SYT16: variants seen among roughly 807,000 people sequenced by gnomAD.
SYT16 encodes the protein synaptotagmin-16.
A neutral mutation model predicts 61.4 loss-of-function variants in SYT16; 42 were observed. That is an observed-to-expected ratio of 0.68 (90% CI 0.53 to 0.89). The LOEUF is 0.89. Among genes scored for constraint, SYT16 ranks in the 40% least tolerant of loss-of-function variants. SYT16 has a pLI of 0.00. For missense variants in SYT16, 804 were observed against 807.3 expected (o/e 1.00, Z 0.05); for synonymous variants, 314 against 302.3 (o/e 1.04, Z -0.40).
chr14:61,966,273 T>C (rs2051311832), intron 1 of SYT16, among the ~76,000 whole-genome samples: 1 of 152,098 alleles, frequency 6.6e-6, no homozygotes, highest in South Asian at 2.1e-4. Flanking sequence ...TCTGTGAATG[T>C]TTTTACATTA....
chr14:61,922,864 A>G (rs570531356), intron 1 of SYT16, among the ~76,000 whole-genome samples: 57 of 152,298 alleles, frequency 3.7e-4, no homozygotes, highest in African/African-American at 1.2e-3. Context: ...CCTGGCCAAC[A>G]TGGTGAAACC....
intron 3 of SYT16, among the ~76,000 whole-genome samples, chr14:62,056,563 A>T (rs1301920101): frequency 6.6e-6 from 1 of 152,210 alleles, no homozygotes; most frequent in Non-Finnish European, 1.5e-5. Flanking sequence ...CGTTAAGTAT[A>T]AAGGCCCCGA....
chr14:61,935,718 G>A (rs965070415), intron 1 of SYT16, among the ~76,000 whole-genome samples: 8 of 152,226 alleles, frequency 5.3e-5, no homozygotes, highest in Admixed American at 3.3e-4. Flanking sequence ...TGGGCTCTAA[G>A]TCGGTAGAGT....
chr14:62,071,242 T>C (rs1252144374), intron 4 of SYT16, among the ~76,000 whole-genome samples: 1 of 152,190 alleles, frequency 6.6e-6, no homozygotes, highest in Non-Finnish European at 1.5e-5. Context: ...AGGGCAAATG[T>C]TAGCTAATGA....
intron 1 of SYT16, among the ~76,000 whole-genome samples, chr14:61,869,414 A>G (rs375008256): frequency 5.9e-5 from 9 of 152,136 alleles, no homozygotes; most frequent in East Asian, 5.8e-4. Context: ...TATTAGCTCT[A>G]TCTTTTTTGT....
At chr14:62,063,133 T>C (rs2055901848) in intron 3 of SYT16, among the ~76,000 whole-genome samples, 1 of 152,138 alleles carries the variant, frequency 6.6e-6, no homozygotes, top group Admixed American at 6.5e-5. Context: ...AAAAGGATTG[T>C]AAGGTAAGGT....
chr14:61,866,592 T>C (rs1214490357), intron 1 of SYT16, among the ~76,000 whole-genome samples: 1 of 152,154 alleles, frequency 6.6e-6, no homozygotes, highest in Non-Finnish European at 1.5e-5. Context: ...TGTGTTCAAA[T>C]CTTTTGTTCA....
intron 4 of SYT16, among the ~76,000 whole-genome samples, chr14:62,071,464 G>A (rs1188212137): frequency 6.6e-6 from 1 of 152,180 alleles, no homozygotes; most frequent in African/African-American, 2.4e-5. Flanking sequence ...GACAGATGGT[G>A]ATAGAAAAGG....
rs116329533 is a variant in SYT16, at chr14:61,913,099, C to G, written c.-324-57033C>G. Among the ~76,000 whole-genome samples, 943 of 152,244 alleles carry G rather than the reference C, an allele frequency of 6.2e-3. 13 individuals carry two copies. The highest frequency in any genetic ancestry group is 0.021 in the African/African-American group (886 of 41,538). ...ATCCCTCCCTATCCTGTGGACAGCTCAAACATGTTTTTATCTCCTTGCCTA... is the reference window on the plus strand; with the variant it reads ...ATCCCTCCCTATCCTGTGGACAGCTGAAACATGTTTTTATCTCCTTGCCTA... On this transcript the variant is annotated intron_variant, in intron 1 of 7. Transcript: ENST00000683842.
At chr14:61,918,537 G>C (rs547676777) in intron 1 of SYT16, among the ~76,000 whole-genome samples, 6 of 152,222 alleles carry the variant, frequency 3.9e-5, no homozygotes, top group Admixed American at 2.0e-4. Flanking sequence ...ATACCTAGTA[G>C]CCTGTAAGAA....
intron 1 of SYT16, chr14:61,832,265 G>C (rs1168437967): frequency 1.2e-5 from 7 of 599,988 alleles, no homozygotes; most frequent in Non-Finnish European, 2.3e-5. Flanking sequence ...CATAAGCTGG[G>C]AGCGCATAGT....
chr14:62,047,840 G>A (rs1465171601), intron 3 of SYT16, among the ~76,000 whole-genome samples: 2 of 152,150 alleles, frequency 1.3e-5, no homozygotes, highest in African/African-American at 4.8e-5. Context: ...TGATCATGGT[G>A]GATAAGCTTT....
intron 1 of SYT16, among the ~76,000 whole-genome samples, chr14:61,926,258 G>GTT (rs56347836): frequency 6.6e-6 from 1 of 151,386 alleles, no homozygotes; most frequent in African/African-American, 2.4e-5. Flanking sequence ...AAGAGTCAAA[G>GTT]AGTATGTGTT....
chr14:62,100,138 G>T (rs1316780675), intron 7 of SYT16, among the ~76,000 whole-genome samples: 1 of 152,210 alleles, frequency 6.6e-6, no homozygotes, highest in East Asian at 1.9e-4. Flanking sequence ...TGTGCATGTA[G>T]AAGTACTAAT....
At chr14:61,950,296 G>A (rs2050617981) in intron 1 of SYT16, among the ~76,000 whole-genome samples, 1 of 152,148 alleles carries the variant, frequency 6.6e-6, no homozygotes, top group Non-Finnish European at 1.5e-5. Flanking sequence ...GTTGAGTCAG[G>A]TACTTGTGCT....
chr14:62,028,554 A>T (rs1020462574), intron 3 of SYT16, among the ~76,000 whole-genome samples: 1 of 152,186 alleles, frequency 6.6e-6, no homozygotes, highest in Non-Finnish European at 1.5e-5. Flanking sequence ...TCCTCTGTTC[A>T]TTTAAACTTT....
In SYT16 at chr14:61,840,543, G is replaced by T. The variant is rs949934997; in HGVS notation, c.-325+27733G>T. Among the ~76,000 whole-genome samples the T allele has an allele frequency of 5.9e-5, 9 of 152,212 alleles. No individual in the cohort carries two copies. The East Asian group carries it at 1.7e-3, about 29-fold the overall frequency. Reference sequence around the variant, plus strand: ...GAAGAGGGTGGCCGTAGCAGGCAAAGAAAGACAATTTTATTTCTCTTTTCT... The same window carrying T: ...GAAGAGGGTGGCCGTAGCAGGCAAATAAAGACAATTTTATTTCTCTTTTCT... On this transcript the variant is annotated intron_variant, in intron 1 of 7. Transcript: ENST00000683842.
chr14:61,940,798 G>A (rs750534898), intron 1 of SYT16, among the ~76,000 whole-genome samples: 22 of 152,104 alleles, frequency 1.4e-4, no homozygotes, highest in African/African-American at 5.3e-4. Context: ...GGTGGGGCAG[G>A]CTTCCCTGGA....
intron 3 of SYT16, among the ~76,000 whole-genome samples, chr14:62,021,326 G>A (rs927402851): frequency 3.9e-5 from 6 of 152,134 alleles, no homozygotes; most frequent in African/African-American, 1.4e-4. Flanking sequence ...TTAGGTGGGT[G>A]TTACCTCCTT....
Sources: gnomAD v4.1 joint callset for allele counts (sites outside exome capture counted in the v4.1 genomes callset) on GRCh38, gnomAD v4.1.1 for gene constraint, MANE v1.5 for transcripts, NCBI Gene and HGNC (gene_info 2026-07-23, HGNC 2026-07-21) for gene names.